Variants in CTNNA3 observed in about 807,000 individuals in gnomAD.
CTNNA3 encodes the protein catenin alpha 3, also known as catenin alpha-3.
CTNNA3 carries 76 observed loss-of-function variants against 95.7 expected under a neutral mutation model. The ratio of observed to expected loss-of-function variants is 0.79; its 90% CI spans 0.66 to 0.96. The LOEUF (loss-of-function observed/expected upper bound fraction) is 0.96. Ranked by LOEUF, CTNNA3 falls within the 40% of genes least tolerant of loss-of-function variation. The pLI, the probability that CTNNA3 is intolerant of heterozygous loss-of-function variation, is 0.00. For missense variants in CTNNA3, 1,191 were observed against 1,089.8 expected (o/e 1.09, Z -1.31); for synonymous variants, 431 against 374.4 (o/e 1.15, Z -1.74).
intron 3 of CTNNA3, among the ~76,000 whole-genome samples, chr10:67,588,858 AT>A (rs1842714486): frequency 6.6e-6 from 1 of 152,100 alleles, no homozygotes; most frequent in Non-Finnish European, 1.5e-5. Flanking sequence ...TACTAATATC[AT>A]TTTTAAACGT....
chr10:67,641,377 G>A (rs1322201001), intron 2 of CTNNA3, among the ~76,000 whole-genome samples: 3 of 152,050 alleles, frequency 2.0e-5, no homozygotes, highest in Non-Finnish European at 4.4e-5. Context: ...GAGAGGATGT[G>A]GAGAAATAGG....
Position 67,412,622 on chromosome 10 carries a change from C to G in CTNNA3, c.579+109220G>C, listed in dbSNP as rs2132843316. ...CAGCTAGAGAGAAAGTGCAGGTCAC[C>G]TACAGAGGGAATCCCACCAGGCTAG... On this transcript the variant is annotated intron_variant, in intron 5 of 17. Transcript: ENST00000433211. Among the ~76,000 whole-genome samples the G allele has an allele frequency of 2.0e-5, 3 of 152,124 alleles. No homozygotes were observed. In the South Asian group the frequency reaches 6.2e-4, roughly 32 times the overall value.
chr10:66,050,869 T>G (rs934312648), intron 15 of CTNNA3, among the ~76,000 whole-genome samples: 1 of 150,258 alleles, frequency 6.7e-6, no homozygotes, highest in Non-Finnish European at 1.5e-5. Flanking sequence ...TTTTTTTTTT[T>G]AAGAGATGGG....
intron 9 of CTNNA3, among the ~76,000 whole-genome samples, chr10:66,636,233 T>C (rs755019363): frequency 3.9e-5 from 6 of 152,046 alleles, no homozygotes; most frequent in Non-Finnish European, 7.4e-5. Context: ...AATTATGTAA[T>C]ATAGAATTAA....
chr10:66,124,976 A>T (rs895937331), intron 13 of CTNNA3, among the ~76,000 whole-genome samples: 1 of 152,182 alleles, frequency 6.6e-6, no homozygotes, highest in Non-Finnish European at 1.5e-5. Context: ...TTGAATTGTC[A>T]ATTAGGAAAA....
intron 5 of CTNNA3, among the ~76,000 whole-genome samples, chr10:67,392,828 T>A (rs1844557809): frequency 6.6e-6 from 1 of 152,138 alleles, no homozygotes; most frequent in African/African-American, 2.4e-5. Flanking sequence ...ACACCGCATA[T>A]TCTCACTCAT....
At chr10:67,536,495 A>G (rs1258211580) in intron 4 of CTNNA3, among the ~76,000 whole-genome samples, 2 of 152,140 alleles carry the variant, frequency 1.3e-5, no homozygotes, top group African/African-American at 4.8e-5. Context: ...ACGTCAGGTA[A>G]AATATTAAAC....
chr10:67,700,685 G>A (rs12257151), upstream of CTNNA3, among the ~76,000 whole-genome samples: 533 of 152,254 alleles, frequency 3.5e-3, 5 homozygotes, highest in African/African-American at 0.012. Context: ...AAAAAACAGA[G>A]CAGAAAAACT....
chr10:66,125,641 T>C (rs1407335953), intron 13 of CTNNA3, among the ~76,000 whole-genome samples: 35 of 152,246 alleles, frequency 2.3e-4, no homozygotes, highest in Non-Finnish European at 5.9e-5. Context: ...GAGATGTTCA[T>C]GCTTAGAATG....
At chr10:67,234,069 A>T (rs1372715242) in intron 5 of CTNNA3, among the ~76,000 whole-genome samples, 1 of 152,228 alleles carries the variant, frequency 6.6e-6, no homozygotes, top group Non-Finnish European at 1.5e-5. Context: ...TTCACAGCCG[A>T]ATTCTACAAG....
At chr10:67,452,760 G>C (rs1404559713) in intron 5 of CTNNA3, among the ~76,000 whole-genome samples, 1 of 152,200 alleles carries the variant, frequency 6.6e-6, no homozygotes, top group African/African-American at 2.4e-5. Context: ...CAGGAACACA[G>C]ATAATAGTTT....
intron 5 of CTNNA3, among the ~76,000 whole-genome samples, chr10:67,231,646 T>C (rs1865218446): frequency 6.7e-6 from 1 of 148,512 alleles, no homozygotes; most frequent in African/African-American, 2.4e-5. Flanking sequence ...ACACAGTTCC[T>C]CACCAGCAAC....
intron 5 of CTNNA3, among the ~76,000 whole-genome samples, chr10:67,320,700 A>G (rs954583142): frequency 6.6e-6 from 1 of 152,200 alleles, no homozygotes; most frequent in Non-Finnish European, 1.5e-5. Flanking sequence ...TAGTGAAATG[A>G]ATAAATGTGT....
At chr10:66,712,938 AC>A (rs1848342377) in intron 9 of CTNNA3, among the ~76,000 whole-genome samples, 1 of 152,122 alleles carries the variant, frequency 6.6e-6, no homozygotes, top group African/African-American at 2.4e-5. Flanking sequence ...TCTTTACTTA[AC>A]ATCTGGGAAC....
chr10:67,059,638 T>C (rs1273711580), intron 7 of CTNNA3, among the ~76,000 whole-genome samples: 1 of 152,188 alleles, frequency 6.6e-6, no homozygotes, highest in Non-Finnish European at 1.5e-5. Flanking sequence ...TGTTCTGATC[T>C]TGAGAAAGTA....
chr10:67,707,665 T>C (rs1293061310), intron 1 of CTNNA3, among the ~76,000 whole-genome samples: 1 of 152,136 alleles, frequency 6.6e-6, no homozygotes, highest in African/African-American at 2.4e-5. Context: ...GTGTATGGCA[T>C]ATGCAAATTA....
At position 67,105,284 on chromosome 10, in the gene CTNNA3, C is replaced by G. The variant is rs562028434; in HGVS notation, c.1047+75033G>C. Reference sequence around the variant, plus strand: ...AGAATTAATTCTACCAAAAGAGAGACTATTAAGAATAAAAATTAGTCCAAG... The same window carrying G: ...AGAATTAATTCTACCAAAAGAGAGAGTATTAAGAATAAAAATTAGTCCAAG... On this transcript the variant is annotated intron_variant, in intron 7 of 17. Coordinates refer to ENST00000433211, the MANE Select transcript of CTNNA3 (RefSeq NM_013266.4). 1.0e-3 allele frequency among the ~76,000 whole-genome samples: 126 copies of G among 120,910 alleles called. 1 individual carries two copies. The highest frequency in any genetic ancestry group is 3.7e-3 in the African/African-American group (121 of 32,608). The allele number at this position is 120,910 out of a possible 152,430, so 79.3% of individuals were successfully genotyped here.
chr10:66,593,016 A>C (rs1462144399), intron 10 of CTNNA3, among the ~76,000 whole-genome samples: 2 of 152,196 alleles, frequency 1.3e-5, no homozygotes, highest in Non-Finnish European at 2.9e-5. Flanking sequence ...TAATTTTCAG[A>C]ATCATGCCAC....
In CTNNA3 at chr10:66,232,588, A is replaced by G. The variant is rs1466145703; in HGVS notation, c.1884+47882T>C. ...AAAAATAATTTTAAAATTTAAGTAG[A>G]AAAGATCCAGAAATGACCAAGTTAA... On this transcript the variant is annotated intron_variant, in intron 13 of 17. Transcript: ENST00000433211. Among the ~76,000 whole-genome samples, 3 of 152,278 alleles carry G rather than the reference A, an allele frequency of 2.0e-5. No individual in the cohort carries two copies. In the East Asian group the frequency reaches 5.8e-4, roughly 29 times the overall value.
Sources: allele counts gnomAD v4.1 joint callset (sites outside exome capture counted in the v4.1 genomes callset), GRCh38; gene constraint gnomAD v4.1.1; transcripts MANE v1.5; gene names NCBI Gene and HGNC (gene_info 2026-07-23, HGNC 2026-07-21).